FAR1: variants seen among roughly 807,000 people sequenced by gnomAD.
FAR1 encodes the protein male sterility domain-containing protein 2.
In FAR1, 22 loss-of-function variants were observed where a neutral mutation model predicts 61.1. That is an observed-to-expected ratio of 0.36 (90% confidence interval 0.26 to 0.51). The LOEUF (loss-of-function observed/expected upper bound fraction) is 0.51. Ranked by LOEUF, FAR1 falls within the 20% of genes least tolerant of loss-of-function variation. The pLI, the probability that FAR1 is intolerant of heterozygous loss-of-function variation, is 0.95. For synonymous variants in FAR1, 206 were observed against 209.7 expected (o/e 0.98, Z 0.15); for missense variants, 359 against 626.9 (o/e 0.57, Z 4.56).
rs993713155 is a variant in FAR1 at position 13,721,433 on chromosome 11, A to G, written c.1128-297A>G. 1.0e-5 allele frequency: 2 copies of G among 194,114 alleles called. No homozygotes were observed. The highest frequency in any genetic ancestry group is 2.1e-5 in the Non-Finnish European group (2 of 96,234). 12.0% of individuals were successfully genotyped at this position (194,114 alleles called of 1,614,324 possible). ...TAGTATTTTATGTAGAAAATTTAAG[A>G]GTATTGTATACCCTTTGAGAATTAA... On this transcript the variant is annotated intron_variant, in intron 9 of 11. Coordinates refer to ENST00000354817, the MANE Select transcript of FAR1 (RefSeq NM_032228.6). This position sits in a 1 kb window ranked among gnomAD's most constrained non-coding sequence, Gnocchi z 4.2.
chr11:13,686,955 G>T (rs1294045327), intron 1 of FAR1, among the ~76,000 whole-genome samples: 1 of 152,154 alleles, frequency 6.6e-6, no homozygotes, highest in African/African-American at 2.4e-5. Flanking sequence ...AGACCTGCGT[G>T]TTCTTTTGCA....
At chr11:13,713,770 A>G (rs749647871) in intron 8 of FAR1, among the ~76,000 whole-genome samples, 1 of 151,990 alleles carries the variant, frequency 6.6e-6, no homozygotes, top group Non-Finnish European at 1.5e-5. Flanking sequence ...TGGCATTTTT[A>G]TTTCAGTGTA....
chr11:13,713,155 T>C (rs1848518147), intron 8 of FAR1, 122 bp downstream of exon 8: 13 of 833,486 alleles, frequency 1.6e-5, no homozygotes, highest in Non-Finnish European at 2.5e-5. Flanking sequence ...TTGTTCTTAA[T>C]TGTCGTCTTA....
At chr11:13,710,958 A>AAAAAACTCTGTATAAAAAGAGCTGG in intron 5 of FAR1, 88 bp downstream of exon 5, 1 of 1,177,028 alleles carries the variant, frequency 8.5e-7, no homozygotes, top group Non-Finnish European at 1.2e-6. Context: ...TTCTTTAAGA[A>AAAAAACTCTGTATAAAAAGAGCTGG]CAGGTATTAT....
At chr11:13,697,350 T>C (rs1848318759) in intron 2 of FAR1, among the ~76,000 whole-genome samples, 1 of 152,008 alleles carries the variant, frequency 6.6e-6, no homozygotes, top group Non-Finnish European at 1.5e-5. Context: ...TGGTCCCAGC[T>C]ACTCGGGAGG....
intron 9 of FAR1, chr11:13,720,321 G>A (rs753853004): frequency 3.9e-5 from 6 of 152,160 alleles, no homozygotes; most frequent in African/African-American, 1.4e-4. Context: ...CTAAACTGGC[G>A]TGATAGTATA....
At chr11:13,680,874 G>T (rs1430205016) in intron 1 of FAR1, among the ~76,000 whole-genome samples, 5 of 152,156 alleles carry the variant, frequency 3.3e-5, no homozygotes, top group African/African-American at 1.2e-4. Context: ...ATTAAGTGAT[G>T]ATTGCAGTTA....
At chr11:13,681,592 T>A (rs1204661766) in intron 1 of FAR1, among the ~76,000 whole-genome samples, 1 of 152,198 alleles carries the variant, frequency 6.6e-6, no homozygotes, top group Non-Finnish European at 1.5e-5. Context: ...AGAATACTGG[T>A]CTTTAAGCCA....
intron 8 of FAR1, among the ~76,000 whole-genome samples, chr11:13,713,799 T>C (rs1382198706): frequency 6.6e-6 from 1 of 152,126 alleles, no homozygotes; most frequent in Non-Finnish European, 1.5e-5. Flanking sequence ...CATTAGAGCA[T>C]ATAAGAAAAA....
At chr11:13,714,721 ACAACC>A in intron 9 of FAR1, 41 bp downstream of exon 9, 1 of 1,550,934 alleles carries the variant, frequency 6.4e-7, no homozygotes, top group Non-Finnish European at 8.7e-7. Context: ...CCTCTGTTAA[ACAACC>A]CATGCTTACA....
rs548452341 is a variant in FAR1, at chr11:13,676,233, G to A, written c.-8+7427G>A. Reference sequence around the variant, plus strand: ...TAGACATTCTTAATTGAATTCTTGGGGAAAAACAAGCTGTAGCCAGTTTAA... The same window carrying A: ...TAGACATTCTTAATTGAATTCTTGGAGAAAAACAAGCTGTAGCCAGTTTAA... On this transcript the variant is annotated intron_variant, in intron 1 of 11. Transcript: ENST00000354817. Among the ~76,000 whole-genome samples, 90 of 152,064 alleles carry A rather than the reference G, an allele frequency of 5.9e-4. No homozygotes were observed. The Middle Eastern group carries it at 0.024, about 40-fold the overall frequency.
At position 13,694,924 on chromosome 11, in the gene FAR1, A is replaced by G. The variant is rs772698486; in HGVS notation, c.159A>G (p.Gln53=). 3 of 1,613,386 alleles carry G rather than the reference A, an allele frequency of 1.9e-6. No homozygotes were observed. In the South Asian group the frequency reaches 3.3e-5, roughly 18 times the overall value. The change falls in exon 2 of 12, where the codon CAA becomes CAG. Residue 53 remains glutamine, a synonymous_variant. Transcript: ENST00000354817. ...LVRQKAGQTP[Q]ERVEEVLSGK... ...GGCAGAAAGCTGGACAGACACCACA[A>G]GAGCGAGTGGAAGAAGTCCTTAGTG...
At chr11:13,682,476 G>A (rs1321585179) in intron 1 of FAR1, among the ~76,000 whole-genome samples, 1 of 152,178 alleles carries the variant, frequency 6.6e-6, no homozygotes, top group Non-Finnish European at 1.5e-5. Context: ...TGGTACAGTG[G>A]CAGAGCTGAG....
intron 1 of FAR1, among the ~76,000 whole-genome samples, chr11:13,674,649 A>G (rs573654403): frequency 1.3e-5 from 2 of 152,216 alleles, no homozygotes; most frequent in African/African-American, 2.4e-5. Flanking sequence ...TTGGTATCCT[A>G]CATTTACCAG....
chr11:13,702,673 C>T (rs1390775548), intron 3 of FAR1, among the ~76,000 whole-genome samples: 1 of 152,126 alleles, frequency 6.6e-6, no homozygotes, highest in South Asian at 2.1e-4. Flanking sequence ...AAAGAGTTCA[C>T]ATAGCTTTAT....
chr11:13,682,105 A>T (rs1848133814), intron 1 of FAR1, among the ~76,000 whole-genome samples: 1 of 152,202 alleles, frequency 6.6e-6, no homozygotes, highest in African/African-American at 2.4e-5. Context: ...GCTATAGGTC[A>T]TGTCATCCTT....
intron 1 of FAR1, among the ~76,000 whole-genome samples, chr11:13,682,581 T>C (rs1418865386): frequency 2.0e-5 from 3 of 152,186 alleles, no homozygotes; most frequent in African/African-American, 7.2e-5. Flanking sequence ...TTAGACTGTT[T>C]CTTAGAAGTT....
At chr11:13,680,102 A>G (rs774331821) in intron 1 of FAR1, among the ~76,000 whole-genome samples, 6 of 152,236 alleles carry the variant, frequency 3.9e-5, no homozygotes, top group Non-Finnish European at 8.8e-5. Flanking sequence ...CCAGGATGCT[A>G]CAGCTGATCT....
chr11:13,702,422 A>C (rs1328660007), intron 3 of FAR1, among the ~76,000 whole-genome samples: 1 of 152,148 alleles, frequency 6.6e-6, no homozygotes. Context: ...TCTTAAAGGG[A>C]CTGATACCCT....
Sources: allele counts gnomAD v4.1 joint callset (sites outside exome capture counted in the v4.1 genomes callset), GRCh38; gene constraint gnomAD v4.1.1; non-coding constraint Gnocchi (gnomAD v3.1); transcripts MANE v1.5; gene names NCBI Gene and HGNC (gene_info 2026-07-23, HGNC 2026-07-21).